Variants in ENTREP2 observed in about 807,000 individuals in gnomAD.
ENTREP2 encodes the protein endosomal transmembrane epsin interactor 2, also known as protein ENTREP2.
At chr15:29,134,198 C>T in the ENTREP2 span, among the ~76,000 whole-genome samples, 1 of 152,210 alleles carries the variant, frequency 6.6e-6, no homozygotes, top group Admixed American at 6.5e-5. Context: ...AACTAAACAA[C>T]ATTGGGAAGG....
At chr15:29,235,249 G>A in the ENTREP2 span, 1 of 511,792 alleles carries the variant, frequency 2.0e-6, no homozygotes, top group South Asian at 2.3e-5. Flanking sequence ...AAAAAAATAA[G>A]GAAAGCTTCT....
chr15:29,347,299 A>C, the ENTREP2 span, among the ~76,000 whole-genome samples: 1 of 152,064 alleles, frequency 6.6e-6, no homozygotes, highest in African/African-American at 2.4e-5. Context: ...AATAGCTGGG[A>C]CTATAGGCCC....
chr15:29,263,016 G>C, the ENTREP2 span, among the ~76,000 whole-genome samples: 31 of 152,332 alleles, frequency 2.0e-4, no homozygotes, highest in Middle Eastern at 6.8e-3. Flanking sequence ...AACGAAGTTT[G>C]AGAGTTTTTT....
At chr15:29,473,320 T>C in the ENTREP2 span, among the ~76,000 whole-genome samples, 1 of 151,946 alleles carries the variant, frequency 6.6e-6, no homozygotes, top group African/African-American at 2.4e-5. Context: ...TATAGCTGAA[T>C]GTTGGTGTCT....
the ENTREP2 span, among the ~76,000 whole-genome samples, chr15:29,295,233 A>T: frequency 6.6e-6 from 1 of 152,254 alleles, no homozygotes; most frequent in African/African-American, 2.4e-5. Context: ...CCTCCCTCAA[A>T]GCATGAAGCT....
the ENTREP2 span, among the ~76,000 whole-genome samples, chr15:29,657,713 G>T: frequency 6.6e-6 from 1 of 152,066 alleles, no homozygotes; most frequent in Non-Finnish European, 1.5e-5. Flanking sequence ...AGACAGAAAA[G>T]TTCCTGATTG....
the ENTREP2 span, among the ~76,000 whole-genome samples, chr15:29,138,178 G>A: frequency 1.3e-5 from 2 of 152,244 alleles, no homozygotes; most frequent in South Asian, 4.2e-4. Flanking sequence ...TGAGGAAAGA[G>A]AGACAACTTC....
the ENTREP2 span, among the ~76,000 whole-genome samples, chr15:29,304,684 G>A: frequency 1.3e-5 from 2 of 152,138 alleles, no homozygotes; most frequent in Non-Finnish European, 2.9e-5. Flanking sequence ...CAGAGTAAAA[G>A]GCAGAGGACT....
chr15:29,586,531 CTGG>C, the ENTREP2 span, among the ~76,000 whole-genome samples: 1 of 152,146 alleles, frequency 6.6e-6, no homozygotes, highest in Non-Finnish European at 1.5e-5. Context: ...AAAGTATAGG[CTGG>C]CCACAGAGGC....
chr15:29,477,348 A>C, the ENTREP2 span, among the ~76,000 whole-genome samples: 2 of 152,140 alleles, frequency 1.3e-5, no homozygotes, highest in Admixed American at 1.3e-4. Context: ...TTTGTAAAAA[A>C]CATACTGAGC....
the ENTREP2 span, among the ~76,000 whole-genome samples, chr15:29,406,675 C>T: frequency 1.5e-3 from 221 of 152,214 alleles, no homozygotes; most frequent in African/African-American, 5.2e-3. Context: ...AGAGAAGCTG[C>T]CACTTACAAC....
the ENTREP2 span, among the ~76,000 whole-genome samples, chr15:29,330,397 C>T: frequency 1.3e-5 from 2 of 151,952 alleles, no homozygotes; most frequent in African/African-American, 2.4e-5. Flanking sequence ...TGCAGTGAGC[C>T]GAGATCACGC....
the ENTREP2 span, among the ~76,000 whole-genome samples, chr15:29,261,172 C>CA: frequency 1.6e-4 from 24 of 152,224 alleles, no homozygotes; most frequent in African/African-American, 5.5e-4. Context: ...GTAAGGAGCT[C>CA]AAGACCAGCC....
At chr15:29,649,727 C>CAAAAAAAAAAAAAAAAAAGAAAAAAAAA in the ENTREP2 span, among the ~76,000 whole-genome samples, 1 of 66,946 alleles carries the variant, frequency 1.5e-5, no homozygotes, top group African/African-American at 5.0e-5. Context: ...TCAACAACAA[C>CAAAAAAAAAAAAAAAAAAGAAAAAAAAA]AAAAAAAAAA....
At chr15:29,345,175 G>A in the ENTREP2 span, among the ~76,000 whole-genome samples, 2 of 152,142 alleles carry the variant, frequency 1.3e-5, no homozygotes, top group African/African-American at 2.4e-5. Context: ...CTCCTCCTCC[G>A]TAACTGATGG....
chr15:29,254,188 A>G, the ENTREP2 span, among the ~76,000 whole-genome samples: 1 of 149,496 alleles, frequency 6.7e-6, no homozygotes, highest in African/African-American at 2.5e-5. Flanking sequence ...AAAAAAAAAA[A>G]AATTCACTGG....
chr15:29,625,847 AT>A, the ENTREP2 span, among the ~76,000 whole-genome samples: 35 of 151,360 alleles, frequency 2.3e-4, no homozygotes, highest in Admixed American at 1.8e-3. Flanking sequence ...TTAAAAAACA[AT>A]TTTTTTCTTT....
chr15:29,432,127 C>T, the ENTREP2 span, among the ~76,000 whole-genome samples: 5 of 152,284 alleles, frequency 3.3e-5, no homozygotes, highest in African/African-American at 1.2e-4. Context: ...AAATTAGTGA[C>T]ATGTTCTCTC....
the ENTREP2 span, chr15:29,195,071 G>T: frequency 1.0e-6 from 1 of 965,728 alleles, no homozygotes; most frequent in Non-Finnish European, 1.2e-6. Flanking sequence ...GATGCAGTGA[G>T]GTAGAATGTG....
Sources: allele counts gnomAD v4.1 joint callset (sites outside exome capture counted in the v4.1 genomes callset), GRCh38; gene constraint gnomAD v4.1.1; transcripts MANE v1.5; gene names NCBI Gene and HGNC (gene_info 2026-07-23, HGNC 2026-07-21).